MYO18B: variants seen among roughly 807,000 people sequenced by gnomAD.
The protein encoded by MYO18B is myosin XVIIIB.
A neutral mutation model predicts 273.0 loss-of-function variants in MYO18B; 204 were observed. The observed-to-expected ratio is 0.75, with a 90% CI of 0.67 to 0.84. The LOEUF is 0.84. MYO18B is among the 40% of genes least tolerant of loss of function. The probability of loss-of-function intolerance (pLI) is 0.00; values close to 1 mark genes in which losing one functional copy is unlikely to be tolerated. For synonymous variants in MYO18B, 1,330 were observed against 1,305.7 expected (o/e 1.02, Z -0.40); for missense variants, 3,212 against 3,287.6 (o/e 0.98, Z 0.56).
At chr22:25,891,224 T>C in intron 26 of MYO18B, 80 bp from the exon 27 acceptor site, 1 of 1,096,008 alleles carries the variant, frequency 9.1e-7, no homozygotes, top group South Asian at 1.5e-5. Flanking sequence ...AATCCGAGCC[T>C]TGGAAGCACT....
chr22:25,997,602 A>G (rs1933430671), intron 40 of MYO18B, among the ~76,000 whole-genome samples: 1 of 152,188 alleles, frequency 6.6e-6, no homozygotes, highest in South Asian at 2.1e-4. Flanking sequence ...GGGGGAAAAA[A>G]TTGCCCATGA....
At chr22:25,952,262 A>G in intron 37 of MYO18B, 24 bp from the exon 38 acceptor site, 1 of 1,604,180 alleles carries the variant, frequency 6.2e-7, no homozygotes, top group Non-Finnish European at 8.5e-7. Flanking sequence ...ACAGATGTCC[A>G]ATAGACTTCT....
intron 32 of MYO18B, among the ~76,000 whole-genome samples, chr22:25,910,092 A>G (rs543152848): frequency 6.6e-6 from 1 of 152,170 alleles, no homozygotes; most frequent in South Asian, 2.1e-4. Context: ...TTGCTGGGTA[A>G]TTGCTGAGAA....
At chr22:26,021,483 G>A (rs1194332279) in intron 42 of MYO18B, among the ~76,000 whole-genome samples, 1 of 152,152 alleles carries the variant, frequency 6.6e-6, no homozygotes, top group African/African-American at 2.4e-5. Flanking sequence ...ATGTGTTAGG[G>A]CCCTGGTGCT....
At chr22:25,761,168 C>T (rs2086300666) in intron 2 of MYO18B, 37 bp downstream of exon 2, 1 of 1,610,256 alleles carries the variant, frequency 6.2e-7, no homozygotes, top group East Asian at 2.2e-5. Context: ...CAGCCATCTG[C>T]AGGGACTGAC....
chr22:25,989,755 G>A (rs2093243406), intron 39 of MYO18B, among the ~76,000 whole-genome samples: 1 of 133,274 alleles, frequency 7.5e-6, no homozygotes, highest in African/African-American at 2.9e-5. Context: ...CCGAGATAGT[G>A]AGACTCCGTC....
chr22:25,845,005 GGAA>G (rs2090192261), intron 18 of MYO18B, among the ~76,000 whole-genome samples: 1 of 152,192 alleles, frequency 6.6e-6, no homozygotes, highest in Admixed American at 6.5e-5. Flanking sequence ...TTTGGGGACA[GGAA>G]GATGTTCAGA....
At chr22:25,763,127 T>C in intron 2 of MYO18B, 104 bp from the exon 3 acceptor site, 1 of 1,369,258 alleles carries the variant, frequency 7.3e-7, no homozygotes, top group Non-Finnish European at 1.0e-6. Flanking sequence ...TGGTCATGTA[T>C]GTCTCCTCCG....
In MYO18B at chr22:25,763,367, C is replaced by T. The variant is rs2086396093; in HGVS notation, c.176C>T (p.Ala59Val). The T allele has an allele frequency of 1.9e-6, 3 of 1,611,468 alleles. No individual in the cohort carries two copies. The highest frequency in any genetic ancestry group is 2.5e-6 in the Non-Finnish European group (3 of 1,179,394). The change falls in exon 3 of 44, where the codon GCT becomes GTT. Residue 59 changes from alanine to valine, a missense_variant. Physicochemically the swap from Ala to Val is moderately conservative, Grantham distance 64. Coordinates refer to ENST00000335473, the MANE Select transcript of MYO18B (RefSeq NM_032608.7). Reference protein sequence around the residue: ...AKEARQRKQLAVASPEREIPE... With the variant: ...AKEARQRKQLVVASPEREIPE... Reference sequence around the variant, plus strand: ...GAAGCGAGACAGAGGAAGCAGTTAGCTGTCGCCTCTCCAGAACGAGAGGTA... The same window carrying T: ...GAAGCGAGACAGAGGAAGCAGTTAGTTGTCGCCTCTCCAGAACGAGAGGTA...
chr22:25,904,974 A>G (rs2092012041), intron 31 of MYO18B, among the ~76,000 whole-genome samples: 1 of 152,116 alleles, frequency 6.6e-6, no homozygotes, highest in Non-Finnish European at 1.5e-5. Flanking sequence ...TAGGGGAAGT[A>G]AGACTTCTTC....
At chr22:25,814,916 A>T (rs2088934627) in intron 12 of MYO18B, among the ~76,000 whole-genome samples, 2 of 152,228 alleles carry the variant, frequency 1.3e-5, no homozygotes, top group South Asian at 4.1e-4. Context: ...AAGTTACCTA[A>T]GGTCATGGAC....
chr22:25,887,523 C>T (rs1372846363), intron 25 of MYO18B, among the ~76,000 whole-genome samples: 1 of 152,028 alleles, frequency 6.6e-6, no homozygotes, highest in Non-Finnish European at 1.5e-5. Context: ...AGTGGTAGAT[C>T]CGGAGAGGTT....
chr22:25,764,329 T>C (rs2086430781), intron 3 of MYO18B, among the ~76,000 whole-genome samples: 1 of 152,202 alleles, frequency 6.6e-6, no homozygotes, highest in African/African-American at 2.4e-5. Context: ...AGGTGGACCA[T>C]GAGGGAGGCA....
chr22:25,989,308 A>T (rs114029312), intron 39 of MYO18B, among the ~76,000 whole-genome samples: 2 of 152,132 alleles, frequency 1.3e-5, no homozygotes, highest in African/African-American at 2.4e-5. Flanking sequence ...CGTTGAACCA[A>T]TGCTTTTAGG....
intron 24 of MYO18B, chr22:25,877,072 A>C (rs948527480): frequency 5.3e-5 from 8 of 152,248 alleles, no homozygotes; most frequent in African/African-American, 1.9e-4. Flanking sequence ...CTGGAGGATG[A>C]AGTGCTGAGC....
intron 21 of MYO18B, among the ~76,000 whole-genome samples, chr22:25,862,356 G>A (rs2090762003): frequency 6.6e-6 from 1 of 152,064 alleles, no homozygotes. Context: ...TAAGTTAAGG[G>A]AAGCAAAGGA....
Position 25,856,310 on chromosome 22 carries a change from T to C in MYO18B, c.3885+4731T>C, listed in dbSNP as rs532106707. Among the ~76,000 whole-genome samples the C allele has an allele frequency of 3.9e-5, 6 of 152,370 alleles. No homozygotes were observed. The East Asian group carries it at 5.8e-4, about 15-fold the overall frequency. On this transcript the variant is annotated intron_variant, in intron 21 of 43. Coordinates refer to ENST00000335473, the MANE Select transcript of MYO18B (RefSeq NM_032608.7). ...ATGATTAGGGGTGTTGAGCATCTTT[T>C]CATGTTCACACAGGAGTTGAATAGA...
intron 1 of MYO18B, among the ~76,000 whole-genome samples, chr22:25,755,283 C>T (rs1041030589): frequency 6.6e-6 from 1 of 152,102 alleles, no homozygotes; most frequent in South Asian, 2.1e-4. Context: ...CTCGGCTCAC[C>T]GCAACCTCCG....
chr22:25,959,672 G>A (rs117584493), intron 39 of MYO18B, among the ~76,000 whole-genome samples: 342 of 152,260 alleles, frequency 2.2e-3, no homozygotes, highest in Non-Finnish European at 2.9e-3. Context: ...ATCAACAAAC[G>A]TTTATTGAGT....
Sources: gnomAD v4.1 joint callset for allele counts (sites outside exome capture counted in the v4.1 genomes callset) on GRCh38, gnomAD v4.1.1 for gene constraint, MANE v1.5 for transcripts, NCBI Gene and HGNC (gene_info 2026-07-23, HGNC 2026-07-21) for gene names.